Variants in RBMS1 observed in about 807,000 individuals in gnomAD.
RBMS1 encodes the protein RNA-binding motif, single-stranded-interacting protein 1.
A neutral mutation model predicts 62.3 loss-of-function variants in RBMS1; 17 were observed. The observed-to-expected ratio is 0.27, with a 90% CI of 0.19 to 0.41. RBMS1 has a LOEUF of 0.41. RBMS1 is among the 10% of genes least tolerant of loss of function. RBMS1 has a pLI of 1.00. For synonymous variants in RBMS1, 172 were observed against 170.0 expected (o/e 1.01, Z -0.09); for missense variants, 334 against 504.5 (o/e 0.66, Z 3.24).
chr2:160,349,746 T>A (rs1692387080), intron 2 of RBMS1, among the ~76,000 whole-genome samples: 1 of 151,612 alleles, frequency 6.6e-6, no homozygotes, highest in South Asian at 2.1e-4. Flanking sequence ...TATTTACTGA[T>A]TTTGCTTATA....
At chr2:160,402,014 G>T (rs140735582) in intron 1 of RBMS1, 2 of 152,170 alleles carry the variant, frequency 1.3e-5, no homozygotes, top group Non-Finnish European at 2.9e-5. Context: ...ATTCTTAGAG[G>T]CTGTAAACAC....
At position 160,396,528 on chromosome 2, in the gene RBMS1, T is replaced by C. The variant is rs1054669350; in HGVS notation, c.76-29137A>G. 9.7e-5 allele frequency among the ~76,000 whole-genome samples: 14 copies of C among 144,932 alleles called. No individual in the cohort carries two copies. In the South Asian group the frequency reaches 2.3e-3, roughly 24 times the overall value. On this transcript the variant is annotated intron_variant, in intron 1 of 13. Transcript: ENST00000348849. ...TGAAGCAGCCTGTTTCACCTCTCTC[T>C]CCCAGGGACTTTTCTTTTTATCTTT...
At chr2:160,359,011 C>T (rs1454521605) in intron 2 of RBMS1, among the ~76,000 whole-genome samples, 1 of 152,000 alleles carries the variant, frequency 6.6e-6, no homozygotes, top group Non-Finnish European at 1.5e-5. Context: ...GTCCTAATCT[C>T]AATTATCTGA....
chr2:160,338,862 G>A (rs1053190931), intron 2 of RBMS1, among the ~76,000 whole-genome samples: 35 of 152,350 alleles, frequency 2.3e-4, no homozygotes, highest in African/African-American at 8.2e-4. Context: ...TGAGGAAAGA[G>A]AATGAAGCAA....
Position 160,356,086 on chromosome 2 carries a change from C to G in RBMS1, c.251+11130G>C, listed in dbSNP as rs529327082. On this transcript the variant is annotated intron_variant, in intron 2 of 13. Coordinates refer to ENST00000348849, the MANE Select transcript of RBMS1 (RefSeq NM_016836.4). ...GTATTAGGACTTGTAAGACAGTGACCCCTAAAAAATTGTTTCTTTTCATAT... is the reference window on the plus strand; with the variant it reads ...GTATTAGGACTTGTAAGACAGTGACGCCTAAAAAATTGTTTCTTTTCATAT... Among the ~76,000 whole-genome samples the G allele has an allele frequency of 7.9e-5, 12 of 152,116 alleles. No individual in the cohort carries two copies. The South Asian group carries it at 1.0e-3, about 13-fold the overall frequency.
intron 6 of RBMS1, among the ~76,000 whole-genome samples, chr2:160,294,660 T>C (rs145271928): frequency 3.4e-3 from 515 of 152,334 alleles, no homozygotes; most frequent in African/African-American, 7.9e-3. Context: ...TCCAATGTCA[T>C]GGGCAAACTG....
intron 2 of RBMS1, among the ~76,000 whole-genome samples, chr2:160,361,236 A>G (rs1054861677): frequency 9.8e-5 from 15 of 152,368 alleles, no homozygotes; most frequent in Admixed American, 9.1e-4. Flanking sequence ...AACTCTGCAT[A>G]TGATGTCAAT....
In RBMS1 at chr2:160,345,673, C is replaced by A. The variant is rs1053388977; in HGVS notation, c.251+21543G>T. 2.6e-5 allele frequency among the ~76,000 whole-genome samples: 4 copies of A among 152,092 alleles called. No homozygotes were observed. The South Asian group carries it at 8.3e-4, about 32-fold the overall frequency. On this transcript the variant is annotated intron_variant, in intron 2 of 13. Transcript: ENST00000348849. ...AGAAGACAGCTCACATAAATCATAT[C>A]CCTTAAAATCCCATTGAAAAATGTC...
At chr2:160,435,821 T>G (rs1293194228) in intron 1 of RBMS1, among the ~76,000 whole-genome samples, 3 of 152,234 alleles carry the variant, frequency 2.0e-5, no homozygotes, top group Non-Finnish European at 2.9e-5. Context: ...CACTCAAGAA[T>G]GCATTCATTA....
chr2:160,313,345 G>T, intron 3 of RBMS1, 98 bp from the exon 4 acceptor site: 2 of 1,189,302 alleles, frequency 1.7e-6, no homozygotes, highest in Non-Finnish European at 2.4e-6. Context: ...GTGGGCAAGA[G>T]ACATGAAAAT....
chr2:160,375,581 A>G (rs1693953578), intron 1 of RBMS1, among the ~76,000 whole-genome samples: 3 of 152,216 alleles, frequency 2.0e-5, no homozygotes, highest in Non-Finnish European at 2.9e-5. Context: ...ATCAGTATAA[A>G]GAGTTACATT....
At chr2:160,325,752 C>T (rs1374953730) in intron 2 of RBMS1, among the ~76,000 whole-genome samples, 2 of 152,174 alleles carry the variant, frequency 1.3e-5, no homozygotes, top group Non-Finnish European at 2.9e-5. Context: ...TCTGAATTCT[C>T]ACTACCTGGA....
At chr2:160,331,893 G>A (rs943197580) in intron 2 of RBMS1, among the ~76,000 whole-genome samples, 1 of 152,130 alleles carries the variant, frequency 6.6e-6, no homozygotes, top group Non-Finnish European at 1.5e-5. Flanking sequence ...TGCAGAGCAG[G>A]GTTTCACAAA....
intron 1 of RBMS1, among the ~76,000 whole-genome samples, chr2:160,453,623 C>A (rs559711592): frequency 4.6e-5 from 7 of 152,166 alleles, no homozygotes; most frequent in African/African-American, 1.7e-4. Context: ...TGCATTGCCA[C>A]CACTCCAGCA....
intron 2 of RBMS1, among the ~76,000 whole-genome samples, chr2:160,347,934 T>C (rs1272257214): frequency 1.3e-5 from 2 of 151,978 alleles, no homozygotes; most frequent in Admixed American, 1.3e-4. Context: ...GATTGAGAAA[T>C]GAGGCTAAAA....
At chr2:160,384,456 C>T (rs1342159708) in intron 1 of RBMS1, among the ~76,000 whole-genome samples, 4 of 152,172 alleles carry the variant, frequency 2.6e-5, no homozygotes, top group Admixed American at 2.6e-4. Flanking sequence ...CTATTATCCC[C>T]CAATAATATT....
chr2:160,313,217 G>A lies in RBMS1; in HGVS notation c.341C>T (p.Ala114Val). The A allele has an allele frequency of 6.2e-7, 1 of 1,613,466 alleles. No homozygotes were observed. The highest frequency in any genetic ancestry group is 2.2e-5 in the East Asian group (1 of 44,814). Reference sequence around the variant, plus strand: ...GGCAGACACAGCTTTTTGAGCTGCTGCAGGGCTGTCAAAGTCGACAAAACC... The same window carrying A: ...GGCAGACACAGCTTTTTGAGCTGCTACAGGGCTGTCAAAGTCGACAAAACC... Reference protein sequence around the residue: ...GYGFVDFDSPAAAQKAVSALK... With the variant: ...GYGFVDFDSPVAAQKAVSALK... Residue 114 changes from alanine to valine, a missense_variant, in exon 4 of 14, where the codon GCA becomes GTA. By Grantham distance (64) the Ala-to-Val change is moderately conservative. Coordinates refer to ENST00000348849, the MANE Select transcript of RBMS1 (RefSeq NM_016836.4).
chr2:160,343,852 T>G (rs1692028780), intron 2 of RBMS1, among the ~76,000 whole-genome samples: 1 of 152,166 alleles, frequency 6.6e-6, no homozygotes, highest in South Asian at 2.1e-4. Flanking sequence ...AATATATTTT[T>G]CAAAGTTCAA....
intron 1 of RBMS1, among the ~76,000 whole-genome samples, chr2:160,470,958 C>T (rs778550490): frequency 6.6e-6 from 1 of 152,262 alleles, no homozygotes; most frequent in African/African-American, 2.4e-5. Flanking sequence ...CATCTGTCCA[C>T]AATAAAATCT....
Sources: gnomAD v4.1 joint callset for allele counts (sites outside exome capture counted in the v4.1 genomes callset) on GRCh38, gnomAD v4.1.1 for gene constraint, MANE v1.5 for transcripts, NCBI Gene and HGNC (gene_info 2026-07-23, HGNC 2026-07-21) for gene names.